The following BCAS2 variants were observed in gnomAD, a reference collection of about 807,000 sequenced individuals.
The protein encoded by BCAS2 is pre-mRNA-splicing factor SPF27.
BCAS2 carries 34 observed loss-of-function variants against 35.3 expected under a neutral mutation model. The observed-to-expected ratio is 0.96, with a 90% CI of 0.73 to 1.28. The LOEUF is 1.28. Ranked by LOEUF, BCAS2 falls within the 50% of genes most tolerant of loss-of-function variation. BCAS2 has a pLI of 0.00. For synonymous variants in BCAS2, 75 were observed against 91.6 expected (o/e 0.82, Z 1.03); for missense variants, 221 against 268.1 (o/e 0.82, Z 1.23).
chr1:114,575,322 G>C (rs1187986427), intron 4 of BCAS2, among the ~76,000 whole-genome samples: 1 of 150,082 alleles, frequency 6.7e-6, no homozygotes, highest in African/African-American at 2.5e-5. Context: ...AGAGTAGCTG[G>C]GATTACAGGC....
At chr1:114,574,406 T>C (rs953504216) in intron 4 of BCAS2, among the ~76,000 whole-genome samples, 1 of 152,230 alleles carries the variant, frequency 6.6e-6, no homozygotes, top group Non-Finnish European at 1.5e-5. Context: ...TCAAGAAAGT[T>C]ACTTTACATT....
chr1:114,573,767 A>ACTTTC (rs1434815993), intron 4 of BCAS2, among the ~76,000 whole-genome samples: 1 of 152,212 alleles, frequency 6.6e-6, no homozygotes, highest in Admixed American at 6.5e-5. Flanking sequence ...CTTGCAATAT[A>ACTTTC]TAGATATATA....
intron 4 of BCAS2, 114 bp downstream of exon 4, chr1:114,575,476 T>A: frequency 9.5e-7 from 1 of 1,050,218 alleles, no homozygotes; most frequent in Non-Finnish European, 1.3e-6. Flanking sequence ...ATTACTGGCA[T>A]GAGCCACTGC....
intron 4 of BCAS2, among the ~76,000 whole-genome samples, chr1:114,572,820 G>A (rs142926875): frequency 9.9e-5 from 15 of 152,088 alleles, no homozygotes; most frequent in African/African-American, 2.4e-4. Flanking sequence ...TGAATACCAC[G>A]TTAAAAAGCC....
intron 2 of BCAS2, among the ~76,000 whole-genome samples, chr1:114,578,328 T>A (rs1162919474): frequency 6.6e-6 from 1 of 151,984 alleles, no homozygotes; most frequent in African/African-American, 2.4e-5. Flanking sequence ...AGTTACCTAG[T>A]TTCCTGCAAA....
chr1:114,580,352 T>C (rs1254016116), intron 2 of BCAS2, among the ~76,000 whole-genome samples: 2 of 152,228 alleles, frequency 1.3e-5, no homozygotes, highest in African/African-American at 2.4e-5. Flanking sequence ...TTACATTTCA[T>C]TTAGCTAACT....
rs950766092 is a variant in BCAS2, at chr1:114,567,687, T to A, written c.*443A>T. On this transcript the variant is annotated 3_prime_UTR_variant, in exon 7 of 7. Transcript: ENST00000369541. The stretch of plus-strand genomic sequence containing the variant: ...ATGATGATGACGATGATGATGATAA[T>A]GATAACTGTACAGTCACTGTCTTTC... 3 of 155,566 alleles carry A rather than the reference T, an allele frequency of 1.9e-5. No individual in the cohort carries two copies. Among genetic ancestry groups the A allele is most frequent in the African/African-American group, 7.2e-5 (3 of 41,466 alleles). 9.6% of individuals were successfully genotyped at this position (155,566 alleles called of 1,614,324 possible). A position where few individuals can be genotyped will look rare whatever the true frequency, so the allele number is the denominator to read the frequency against.
At chr1:114,581,262 G>C in intron 2 of BCAS2, 37 bp downstream of exon 2, 1 of 1,600,102 alleles carries the variant, frequency 6.2e-7, no homozygotes, top group Non-Finnish European at 8.6e-7. Flanking sequence ...AGGTTCACAG[G>C]AATTCTCGTT....
At chr1:114,579,886 TTAAC>T (rs1359613434) in intron 2 of BCAS2, among the ~76,000 whole-genome samples, 1 of 152,022 alleles carries the variant, frequency 6.6e-6, no homozygotes, top group Non-Finnish European at 1.5e-5. Flanking sequence ...AACAACAAAC[TTAAC>T]TAACAATTTT....
intron 2 of BCAS2, among the ~76,000 whole-genome samples, chr1:114,580,936 T>C (rs1654873711): frequency 6.6e-6 from 1 of 152,198 alleles, no homozygotes; most frequent in South Asian, 2.1e-4. Flanking sequence ...TCTCCAGTGG[T>C]TCTAAAGAGC....
At chr1:114,579,224 C>T (rs1028845438) in intron 2 of BCAS2, among the ~76,000 whole-genome samples, 1 of 151,802 alleles carries the variant, frequency 6.6e-6, no homozygotes, top group Non-Finnish European at 1.5e-5. Flanking sequence ...TGCAGTGAGC[C>T]GAGGAGTTGC....
intron 2 of BCAS2, 95 bp downstream of exon 2, chr1:114,581,204 T>C (rs1654881512): frequency 8.0e-7 from 1 of 1,243,778 alleles, no homozygotes; most frequent in East Asian, 2.3e-5. Context: ...GTAGTAGCTA[T>C]GCAGGCAATG....
chr1:114,576,888 G>C, intron 2 of BCAS2, 130 bp from the exon 3 acceptor site: 1 of 627,406 alleles, frequency 1.6e-6, no homozygotes, highest in Non-Finnish European at 2.8e-6. Context: ...ATTCTTCTCT[G>C]AGTTAAATGC....
intron 2 of BCAS2, among the ~76,000 whole-genome samples, chr1:114,579,198 C>T (rs1654832228): frequency 6.6e-6 from 1 of 152,062 alleles, no homozygotes; most frequent in Non-Finnish European, 1.5e-5. Flanking sequence ...ATGGCTTGAA[C>T]CCAGGAGGCA....
At chr1:114,573,435 G>A (rs1002778949) in intron 4 of BCAS2, among the ~76,000 whole-genome samples, 1 of 151,156 alleles carries the variant, frequency 6.6e-6, no homozygotes, top group Non-Finnish European at 1.5e-5. Context: ...TTTCACTTAC[G>A]TTGCCCAGGC....
chr1:114,569,943 T>A, intron 6 of BCAS2, 49 bp downstream of exon 6: 1 of 1,432,648 alleles, frequency 7.0e-7, no homozygotes, highest in South Asian at 1.2e-5. Context: ...TGAATCGACC[T>A]TAGAAAGGGC....
chr1:114,574,587 C>G (rs1228490214), intron 4 of BCAS2, among the ~76,000 whole-genome samples: 1 of 152,134 alleles, frequency 6.6e-6, no homozygotes, highest in Non-Finnish European at 1.5e-5. Flanking sequence ...GTTCATAGGA[C>G]TTAAAGAACA....
chr1:114,569,006 C>T (rs1156460846), intron 6 of BCAS2, among the ~76,000 whole-genome samples: 1 of 151,820 alleles, frequency 6.6e-6, no homozygotes, highest in African/African-American at 2.4e-5. Context: ...TTCAAGCAAT[C>T]CTCCTACCTT....
chr1:114,575,798 C>A (rs766749663), intron 3 of BCAS2, 47 bp from the exon 4 acceptor site: 15 of 1,583,562 alleles, frequency 9.5e-6, no homozygotes, highest in Middle Eastern at 1.8e-4. Flanking sequence ...TACTGCCAAG[C>A]CTTTACATCT....
Sources: gnomAD v4.1 joint callset for allele counts (sites outside exome capture counted in the v4.1 genomes callset) on GRCh38, gnomAD v4.1.1 for gene constraint, MANE v1.5 for transcripts, NCBI Gene and HGNC (gene_info 2026-07-23, HGNC 2026-07-21) for gene names.